PTPRT: variants seen among roughly 807,000 people sequenced by gnomAD.
PTPRT encodes the protein protein tyrosine phosphatase receptor type T, also known as receptor-type tyrosine-protein phosphatase T.
Under a neutral mutation model 176.8 loss-of-function variants are expected in PTPRT, and 56 were observed. The observed-to-expected ratio is 0.32, with a 90% confidence interval of 0.26 to 0.40. The LOEUF is 0.40. Ranked by LOEUF, PTPRT falls within the 10% of genes least tolerant of loss-of-function variation. The probability of loss-of-function intolerance (pLI) is 1.00; values close to 1 mark genes in which losing one functional copy is unlikely to be tolerated. For synonymous variants in PTPRT, 783 were observed against 739.0 expected (o/e 1.06, Z -0.96); for missense variants, 1,540 against 1,908.2 (o/e 0.81, Z 3.60).
At chr20:42,507,674 T>C (rs1465678914) in intron 7 of PTPRT, among the ~76,000 whole-genome samples, 1 of 152,148 alleles carries the variant, frequency 6.6e-6, no homozygotes, top group Non-Finnish European at 1.5e-5. Flanking sequence ...CCTGTCTGCA[T>C]TTTGTTCCTT....
intron 1 of PTPRT, among the ~76,000 whole-genome samples, chr20:43,056,716 C>T (rs981075889): frequency 3.9e-5 from 6 of 152,018 alleles, no homozygotes; most frequent in Non-Finnish European, 8.8e-5. Context: ...ACTGAAAGCC[C>T]ATAAAAAGAA....
At chr20:42,166,403 T>A (rs1428348012) in intron 16 of PTPRT, among the ~76,000 whole-genome samples, 1 of 152,222 alleles carries the variant, frequency 6.6e-6, no homozygotes, top group African/African-American at 2.4e-5. Flanking sequence ...ATGTTTAATT[T>A]AATTTTGATT....
chr20:42,700,357 G>A (rs1406104451), intron 6 of PTPRT, among the ~76,000 whole-genome samples: 2 of 152,076 alleles, frequency 1.3e-5, no homozygotes, highest in African/African-American at 4.8e-5. Context: ...CCTGGAGGCT[G>A]GCAGGCCCCC....
chr20:43,132,471 T>C (rs116682011), intron 1 of PTPRT, among the ~76,000 whole-genome samples: 3,033 of 152,284 alleles, frequency 0.02, 93 homozygotes, highest in African/African-American at 0.069. Flanking sequence ...CTGAATTCAG[T>C]GAATATGTTG....
intron 7 of PTPRT, among the ~76,000 whole-genome samples, chr20:42,558,685 A>G (rs976786921): frequency 2.6e-5 from 4 of 151,568 alleles, no homozygotes; most frequent in African/African-American, 9.7e-5. Context: ...CTCAAACCCA[A>G]CTCACCCTCA....
intron 1 of PTPRT, among the ~76,000 whole-genome samples, chr20:43,085,944 A>G (rs1449263712): frequency 1.3e-5 from 2 of 152,248 alleles, no homozygotes; most frequent in East Asian, 3.9e-4. Flanking sequence ...TTTGGAAAAG[A>G]GTTGTCTTCC....
In PTPRT at chr20:42,128,841, A is replaced by T; in HGVS notation, c.2771-11T>A. On this transcript the variant is annotated splice_polypyrimidine_tract_variant and intron_variant, in intron 18 of 30. Transcript: ENST00000373187. ...CCCGGGAATGGTCGTCTGCAGAGAGAGCAGAAATCAAGGGGATGGTTGATA... is the reference window on the plus strand; with the variant it reads ...CCCGGGAATGGTCGTCTGCAGAGAGTGCAGAAATCAAGGGGATGGTTGATA... 2 of 1,597,930 alleles carry T rather than the reference A, an allele frequency of 1.3e-6. No individual in the cohort carries two copies. The highest frequency in any genetic ancestry group is 1.7e-6 in the Non-Finnish European group (2 of 1,171,698).
the PTPRT span, among the ~76,000 whole-genome samples, chr20:42,053,932 G>A: frequency 6.6e-6 from 1 of 152,290 alleles, no homozygotes; most frequent in South Asian, 2.1e-4. Flanking sequence ...TCTTTCATCA[G>A]ATTTGGGGGT....
chr20:42,163,378 G>A lies in PTPRT; in HGVS notation c.2492-1836C>T, dbSNP rs574069263. On this transcript the variant is annotated intron_variant, in intron 16 of 30. Coordinates refer to ENST00000373187, the MANE Select transcript of PTPRT (RefSeq NM_007050.6). ...CAAGAAAGAAGGGCCTAGGCAAGTC[G>A]TTAGCAAAACCTTCCTGACTGCACA... Among the ~76,000 whole-genome samples the A allele has an allele frequency of 1.4e-4, 21 of 152,316 alleles. No individual in the cohort carries two copies. The South Asian group carries it at 1.5e-3, about 11-fold the overall frequency.
At chr20:42,841,768 T>A (rs1423157930) in intron 2 of PTPRT, among the ~76,000 whole-genome samples, 1 of 152,186 alleles carries the variant, frequency 6.6e-6, no homozygotes, top group Non-Finnish European at 1.5e-5. Context: ...AAGAGATATA[T>A]CACACATGTG....
At chr20:42,446,882 T>C (rs2070742747) in intron 9 of PTPRT, among the ~76,000 whole-genome samples, 1 of 152,108 alleles carries the variant, frequency 6.6e-6, no homozygotes, top group Admixed American at 6.6e-5. Flanking sequence ...CTGGTAATCC[T>C]GAGAGCTGCG....
In PTPRT at chr20:43,011,667, T is replaced by C. The variant is rs566921737; in HGVS notation, c.89-125735A>G. Among the ~76,000 whole-genome samples the C allele has an allele frequency of 7.9e-5, 12 of 152,312 alleles. No homozygotes were observed. In the East Asian group the frequency reaches 2.3e-3, roughly 29 times the overall value. ...CCCAAAATTGGAATCAACCCAAATT[T>C]CCACCCATGGATGAACAGATAAACA... On this transcript the variant is annotated intron_variant, in intron 1 of 30. Transcript: ENST00000373187.
intron 1 of PTPRT, among the ~76,000 whole-genome samples, chr20:43,013,519 A>G (rs1985230127): frequency 6.6e-6 from 1 of 152,184 alleles, no homozygotes; most frequent in African/African-American, 2.4e-5. Context: ...AGGTGGTACA[A>G]TAGCTAAGAC....
At chr20:42,737,523 C>CG in intron 6 of PTPRT, among the ~76,000 whole-genome samples, 1 of 151,802 alleles carries the variant, frequency 6.6e-6, no homozygotes, top group South Asian at 2.1e-4. Context: ...CCCAGCTACT[C>CG]GGGAGGCTGA....
intron 1 of PTPRT, among the ~76,000 whole-genome samples, chr20:42,960,096 C>A (rs901529955): frequency 2.0e-5 from 3 of 152,124 alleles, no homozygotes; most frequent in Non-Finnish European, 2.9e-5. Flanking sequence ...GACCACCCAA[C>A]CTATTTACTA....
chr20:42,389,182 G>A (rs1174432030), intron 9 of PTPRT, among the ~76,000 whole-genome samples: 3 of 151,656 alleles, frequency 2.0e-5, no homozygotes, highest in Non-Finnish European at 4.4e-5. Flanking sequence ...TGTAAATGAC[G>A]AGTTAATGGG....
intron 7 of PTPRT, among the ~76,000 whole-genome samples, chr20:42,571,980 A>G (rs553524864): frequency 6.6e-6 from 1 of 152,320 alleles, no homozygotes; most frequent in South Asian, 2.1e-4. Context: ...GAGCTGTTAT[A>G]ACCACATACC....
intron 2 of PTPRT, among the ~76,000 whole-genome samples, chr20:42,866,173 G>A (rs951998358): frequency 6.6e-6 from 1 of 152,186 alleles, no homozygotes; most frequent in Non-Finnish European, 1.5e-5. Context: ...GAGACCCAAG[G>A]TCTGGTAAGC....
rs370897928 is a variant in PTPRT at position 42,352,060 on chromosome 20, C to G, written c.1762+24G>C. 41 of 1,595,558 alleles carry G rather than the reference C, an allele frequency of 2.6e-5. No individual in the cohort carries two copies. In the African/African-American group the frequency reaches 5.3e-4, roughly 21 times the overall value. On this transcript the variant is annotated intron_variant, in intron 10 of 30. Coordinates refer to ENST00000373187, the MANE Select transcript of PTPRT (RefSeq NM_007050.6). Reference sequence around the variant, plus strand: ...AGTGGGGGTGAAACAACCTTTTTTCCTTTTTCCTTTCTAGCAGAGATACCT... The same window carrying G: ...AGTGGGGGTGAAACAACCTTTTTTCGTTTTTCCTTTCTAGCAGAGATACCT...
Sources: gnomAD v4.1 joint callset for allele counts (sites outside exome capture counted in the v4.1 genomes callset) on GRCh38, gnomAD v4.1.1 for gene constraint, MANE v1.5 for transcripts, NCBI Gene and HGNC (gene_info 2026-07-23, HGNC 2026-07-21) for gene names.